The following XPC variants were observed in gnomAD, a reference collection of about 807,000 sequenced individuals.
XPC encodes the protein XPC complex subunit, DNA damage recognition and repair factor.
In XPC, 76 loss-of-function variants were observed where a neutral mutation model predicts 95.8. The observed-to-expected ratio is 0.79, with a 90% confidence interval of 0.66 to 0.96. The LOEUF (loss-of-function observed/expected upper bound fraction) is 0.96, where lower values mean the gene tolerates loss of function less well. Ranked by LOEUF, XPC falls within the 40% of genes least tolerant of loss-of-function variation. The pLI is 0.00. For synonymous variants in XPC, 442 were observed against 442.1 expected (o/e 1.00, Z 0.00); for missense variants, 1,146 against 1,179.8 (o/e 0.97, Z 0.42).
At chr3:14,178,333 G>A in intron 1 of XPC, 133 bp downstream of exon 1, 2 of 1,053,132 alleles carry the variant, frequency 1.9e-6, no homozygotes, top group Non-Finnish European at 2.6e-6. Flanking sequence ...GCAGCCTGCC[G>A]GGCTGCCCCC....
At position 14,161,347 on chromosome 3, in the gene XPC, AC is replaced by A. The variant is rs1283160183; in HGVS notation, c.901-1518del. 1.1e-4 allele frequency among the ~76,000 whole-genome samples: 16 copies of A among 152,334 alleles called. 1 individual carries two copies. The East Asian group carries it at 1.7e-3, about 17-fold the overall frequency. The stretch of plus-strand genomic sequence containing the variant: ...TAACTTGTTCTATGAGGCAAGCATT[AC>A]CCTGACACCAAAGCCAGACAAATAC... On this transcript the variant is annotated intron_variant, in intron 7 of 15. Coordinates refer to ENST00000285021, the MANE Select transcript of XPC (RefSeq NM_004628.5).
chr3:14,169,679 A>G (rs1450333511), intron 3 of XPC, among the ~76,000 whole-genome samples: 1 of 152,228 alleles, frequency 6.6e-6, no homozygotes, highest in African/African-American at 2.4e-5. Flanking sequence ...TCTAATTATT[A>G]GGAAATGCAG....
chr3:14,147,567 C>A (rs1398296608), intron 14 of XPC, 188 bp from the exon 15 acceptor site: 2 of 638,630 alleles, frequency 3.1e-6, no homozygotes, highest in Non-Finnish European at 5.3e-6. Context: ...ACCTGAAAGC[C>A]ACAAAAACAG....
At chr3:14,174,186 T>C (rs1170548173) in intron 1 of XPC, among the ~76,000 whole-genome samples, 1 of 152,218 alleles carries the variant, frequency 6.6e-6, no homozygotes, top group African/African-American at 2.4e-5. Flanking sequence ...AAGGAATTTA[T>C]GCATTCCCAT....
rs748417513 is a variant in XPC, at chr3:14,164,797, CG to C, written c.900+15del. The C allele has an allele frequency of 5.8e-5, 93 of 1,611,350 alleles. No individual in the cohort carries two copies. Among genetic ancestry groups the C allele is most frequent in the Non-Finnish European group, 7.8e-5 (92 of 1,178,910 alleles). On this transcript the variant is annotated intron_variant, in intron 7 of 15. Transcript: ENST00000285021. ...ACAGTACTGATAAAAAACAGTGATC[CG>C]GGAGGATCACTTACATGGACCAATT... is the stretch of plus-strand genomic sequence containing the variant.
At chr3:14,176,607 G>A (rs1264038517) in intron 1 of XPC, among the ~76,000 whole-genome samples, 5 of 152,160 alleles carry the variant, frequency 3.3e-5, no homozygotes, top group Non-Finnish European at 7.3e-5. Flanking sequence ...AATGGAACTC[G>A]TAATATTACA....
chr3:14,176,577 A>G (rs895052153), intron 1 of XPC, among the ~76,000 whole-genome samples: 4 of 152,252 alleles, frequency 2.6e-5, no homozygotes. Context: ...TGTTATTTGA[A>G]TGAGTAAATG....
Position 14,167,103 on chromosome 3 carries a change from C to T in XPC, c.621+66G>A, listed in dbSNP as rs1696411110. 5 of 1,400,456 alleles carry T rather than the reference C, an allele frequency of 3.6e-6. No individual in the cohort carries two copies. In the African/African-American group the frequency reaches 5.8e-5, roughly 16 times the overall value. 86.8% of individuals were successfully genotyped at this position (1,400,456 alleles called of 1,614,324 possible). ...CAGAGCAGCAAAGCCAGAAATAAAG[C>T]CTCGGTGAGCACAAGCTCTTTGCAC... On this transcript the variant is annotated intron_variant, in intron 5 of 15. Coordinates refer to ENST00000285021, the MANE Select transcript of XPC (RefSeq NM_004628.5).
chr3:14,160,424 A>G (rs569536125), intron 7 of XPC, among the ~76,000 whole-genome samples: 19 of 152,222 alleles, frequency 1.2e-4, no homozygotes, highest in Non-Finnish European at 2.8e-4. Context: ...CTCCAATGGC[A>G]ACAGTGATAA....
At chr3:14,170,613 C>A in intron 2 of XPC, 63 bp from the exon 3 acceptor site, 1 of 1,308,194 alleles carries the variant, frequency 7.6e-7, no homozygotes, top group Admixed American at 2.3e-5. Context: ...TCCATTCAAG[C>A]TAAATGGAAT....
Position 14,145,166 on chromosome 3 carries a change from A to G in XPC, c.*775T>C. On this transcript the variant is annotated 3_prime_UTR_variant, in exon 16 of 16. Coordinates refer to ENST00000285021, the MANE Select transcript of XPC (RefSeq NM_004628.5). ...CAAATCTTTAGATAAATGCTTTATT[A>G]TTTTCTCAAAATGTTATAAAAGTCA... 2 of 509,072 alleles carry G rather than the reference A, an allele frequency of 3.9e-6. No homozygotes were observed. Among genetic ancestry groups the G allele is most frequent in the Non-Finnish European group, 6.9e-6 (2 of 288,278 alleles). The allele number at this position is 509,072 out of a possible 1,614,324, so 31.5% of individuals were successfully genotyped here.
At chr3:14,152,759 A>T (rs1695746707) in intron 10 of XPC, 1 of 234,484 alleles carries the variant, frequency 4.3e-6, no homozygotes, top group South Asian at 7.4e-5. Flanking sequence ...CGCTGTGCGC[A>T]GGCACACTCA....
intron 3 of XPC, 52 bp downstream of exon 3, chr3:14,170,386 C>A: frequency 1.3e-6 from 2 of 1,569,202 alleles, no homozygotes; most frequent in Non-Finnish European, 1.8e-6. Context: ...CAGAATCAAA[C>A]AAAAAAACAA....
intron 1 of XPC, among the ~76,000 whole-genome samples, chr3:14,177,273 G>A (rs1696861938): frequency 6.6e-6 from 1 of 152,130 alleles, no homozygotes; most frequent in Admixed American, 6.5e-5. Flanking sequence ...GTGATCTAGA[G>A]ATGATTTAAA....
chr3:14,162,501 A>T (rs1696204072), intron 7 of XPC, among the ~76,000 whole-genome samples: 1 of 152,218 alleles, frequency 6.6e-6, no homozygotes, highest in Non-Finnish European at 1.5e-5. Context: ...TTGATTTTTG[A>T]AAAGGATGCC....
intron 10 of XPC, 130 bp from the exon 11 acceptor site, chr3:14,152,546 T>C (rs1455471378): frequency 1.2e-6 from 1 of 800,552 alleles, no homozygotes; most frequent in East Asian, 3.0e-5. Flanking sequence ...GCCGAGCTCC[T>C]AGGGGGCCCA....
chr3:14,165,654 C>T, intron 5 of XPC, 69 bp from the exon 6 acceptor site: 1 of 1,568,720 alleles, frequency 6.4e-7, no homozygotes, highest in Non-Finnish European at 8.7e-7. Context: ...TTTTTGCTGC[C>T]AAAGTCAAGA....
rs752392227 is a variant in XPC at position 14,178,520 on chromosome 3, G to A, written c.49C>T (p.Arg17Cys). 6 of 1,612,840 alleles carry A rather than the reference G, an allele frequency of 3.7e-6. No individual in the cohort carries two copies. Among genetic ancestry groups the A allele is most frequent in the South Asian group, 2.2e-5 (2 of 91,056 alleles). ...AGGEPRGREL[R>C]SQKSKAKSKA... ...CTCTTGGCCTTGGATTTCTGGCTGCGCAGTTCGCGTCCCCGCGGCTCCCCG... is the reference window on the plus strand; with the variant it reads ...CTCTTGGCCTTGGATTTCTGGCTGCACAGTTCGCGTCCCCGCGGCTCCCCG... Residue 17 changes from arginine to cysteine, a missense_variant, in exon 1 of 16, where the codon CGC becomes TGC. Arg to Cys is a radical substitution (Grantham distance 180). Transcript: ENST00000285021.
Position 14,145,514 on chromosome 3 carries a change from G to A in XPC, c.*427C>T, listed in dbSNP as rs756382906. 6.0e-5 allele frequency: 42 copies of A among 699,030 alleles called. No individual in the cohort carries two copies. Among genetic ancestry groups the A allele is most frequent in the Non-Finnish European group, 9.1e-5 (35 of 383,864 alleles). 43.3% of individuals were successfully genotyped at this position (699,030 alleles called of 1,614,324 possible). ...CGCAACCGAGGCGAGTGAACTTGTC[G>A]GACAGATGAAGACTCTAACTGGAAG... On this transcript the variant is annotated 3_prime_UTR_variant, in exon 16 of 16. Transcript: ENST00000285021.
Sources: allele counts gnomAD v4.1 joint callset (sites outside exome capture counted in the v4.1 genomes callset), GRCh38; gene constraint gnomAD v4.1.1; transcripts MANE v1.5; gene names NCBI Gene and HGNC (gene_info 2026-07-23, HGNC 2026-07-21).